The following STK39 variants were observed in gnomAD, a reference collection of about 807,000 sequenced individuals.
STK39 encodes the protein serine/threonine kinase 39.
Under a neutral mutation model 77.8 loss-of-function variants are expected in STK39, and 20 were observed. That is an observed-to-expected ratio of 0.26 (90% CI 0.18 to 0.37). The LOEUF is 0.37. STK39 is among the 10% of genes least tolerant of loss of function. The pLI is 1.00. For missense variants in STK39, 479 were observed against 656.5 expected, an observed-to-expected ratio of 0.73 and a Z score of 2.95; for synonymous variants, 246 against 234.1, an observed-to-expected ratio of 1.05 and a Z score of -0.47.
At chr2:168,161,736 C>T in intron 5 of STK39, 51 bp downstream of exon 5, 1 of 1,322,042 alleles carries the variant, frequency 7.6e-7, no homozygotes, top group Non-Finnish European at 1.1e-6. Context: ...TTCCTTGAAA[C>T]TGTAACACTT....
intron 1 of STK39, among the ~76,000 whole-genome samples, chr2:168,228,747 C>T (rs1690371635): frequency 6.6e-6 from 1 of 152,136 alleles, no homozygotes; most frequent in Non-Finnish European, 1.5e-5. Context: ...CGAGATTGCG[C>T]CATTGCACTC....
chr2:168,218,483 G>A (rs959685066), intron 1 of STK39, among the ~76,000 whole-genome samples: 4 of 152,166 alleles, frequency 2.6e-5, no homozygotes, highest in African/African-American at 7.2e-5. Context: ...CGGTATTTGC[G>A]TCAACTGCTC....
chr2:168,126,720 G>A (rs191815765), intron 10 of STK39, among the ~76,000 whole-genome samples: 74 of 152,274 alleles, frequency 4.9e-4, no homozygotes, highest in African/African-American at 1.6e-3. Context: ...AATGAGAAAT[G>A]AGCCATGATC....
intron 10 of STK39, among the ~76,000 whole-genome samples, chr2:168,099,256 T>C (rs1686757106): frequency 6.6e-6 from 1 of 152,240 alleles, no homozygotes. Context: ...GGTGATTCAT[T>C]ATGCAGCAAT....
At chr2:168,233,809 C>T (rs538855833) in intron 1 of STK39, among the ~76,000 whole-genome samples, 2 of 152,154 alleles carry the variant, frequency 1.3e-5, no homozygotes, top group Non-Finnish European at 2.9e-5. Flanking sequence ...CGATATCCAA[C>T]CAAAAGACTC....
intron 10 of STK39, among the ~76,000 whole-genome samples, chr2:168,096,971 C>T (rs931592786): frequency 5.3e-5 from 8 of 152,130 alleles, no homozygotes; most frequent in South Asian, 4.2e-4. Context: ...GAGAAGAAAA[C>T]GCTATTAATT....
At chr2:168,219,977 A>T (rs1393209210) in intron 1 of STK39, among the ~76,000 whole-genome samples, 1 of 151,704 alleles carries the variant, frequency 6.6e-6, no homozygotes, top group African/African-American at 2.4e-5. Flanking sequence ...ACATAATGGT[A>T]TGCTATGAGG....
chr2:168,155,913 T>A (rs139935840), intron 5 of STK39, among the ~76,000 whole-genome samples: 16 of 152,304 alleles, frequency 1.1e-4, no homozygotes, highest in South Asian at 2.1e-4. Context: ...AGACAGGGTG[T>A]CTCCCGTGCC....
At chr2:168,210,156 T>C (rs1192602983) in intron 1 of STK39, among the ~76,000 whole-genome samples, 1 of 152,122 alleles carries the variant, frequency 6.6e-6, no homozygotes, top group Non-Finnish European at 1.5e-5. Context: ...TCTGAAGACA[T>C]CCATTGATAA....
chr2:168,057,286 G>A (rs1187838708), intron 14 of STK39, among the ~76,000 whole-genome samples: 3 of 152,094 alleles, frequency 2.0e-5, no homozygotes, highest in East Asian at 1.9e-4. Context: ...TCCACCTCCC[G>A]TGTTCTAGCA....
chr2:168,247,337 T>TGCTGTCGCGGCCGCCGGGGCCGCCGCC lies in STK39; in HGVS notation c.72_98dup (p.Ala26_Ala34dup). 1 of 1,040,584 alleles carries TGCTGTCGCGGCCGCCGGGGCCGCCGCC rather than the reference T, an allele frequency of 9.6e-7. No individual in the cohort carries two copies. The highest frequency in any genetic ancestry group is 1.2e-6 in the Non-Finnish European group (1 of 862,646). 64.5% of individuals were successfully genotyped at this position (1,040,584 alleles called of 1,614,324 possible). A position where few individuals can be genotyped will look rare whatever the true frequency, so the allele number is the denominator to read the frequency against. ...CCGCGGGAGCTGCCGGGGCCGGCGCTGCTGTCGCGGCCGCCGGGGCCGCCG... is the reference window on the plus strand; with the variant it reads ...CCGCGGGAGCTGCCGGGGCCGGCGCTGCTGTCGCGGCCGCCGGGGCCGCCGCCGCTGTCGCGGCCGCCGGGGCCGCCG... On this transcript the variant is annotated inframe_insertion, in exon 1 of 18. Coordinates refer to ENST00000355999, the MANE Select transcript of STK39 (RefSeq NM_013233.3).
At chr2:168,079,706 G>T (rs1367340082) in intron 10 of STK39, among the ~76,000 whole-genome samples, 3 of 152,184 alleles carry the variant, frequency 2.0e-5, no homozygotes, top group Non-Finnish European at 2.9e-5. Context: ...TCCCCCAGGG[G>T]TCATATTCTC....
chr2:168,075,605 C>T (rs2105405555), intron 10 of STK39, among the ~76,000 whole-genome samples: 1 of 151,984 alleles, frequency 6.6e-6, no homozygotes, highest in South Asian at 2.1e-4. Flanking sequence ...TAAGGAAGCG[C>T]ATGCAAGCAA....
intron 10 of STK39, among the ~76,000 whole-genome samples, chr2:168,081,975 T>C (rs899496774): frequency 6.6e-6 from 1 of 152,182 alleles, no homozygotes; most frequent in African/African-American, 2.4e-5. Flanking sequence ...TCTATTTCTT[T>C]TGTAAATTGC....
At chr2:168,041,875 A>C (rs1370357133) in intron 14 of STK39, among the ~76,000 whole-genome samples, 2 of 152,172 alleles carry the variant, frequency 1.3e-5, no homozygotes, top group African/African-American at 4.8e-5. Context: ...TCTAAGAAAA[A>C]ATAACTCAAG....
intron 1 of STK39, among the ~76,000 whole-genome samples, chr2:168,213,616 G>A (rs1689949327): frequency 6.6e-6 from 1 of 151,590 alleles, no homozygotes; most frequent in African/African-American, 2.4e-5. Context: ...AGCCCAGGAG[G>A]TGGAGGTTGC....
intron 5 of STK39, among the ~76,000 whole-genome samples, chr2:168,151,980 A>G (rs6735157): frequency 0.42 from 63,552 of 152,056 alleles, 14,946 homozygotes; most frequent in East Asian, 0.67. Flanking sequence ...TAATCTGCCC[A>G]TCTATGTCAG....
intron 1 of STK39, among the ~76,000 whole-genome samples, chr2:168,237,620 T>C (rs563634999): frequency 6.6e-6 from 1 of 152,302 alleles, no homozygotes; most frequent in African/African-American, 2.4e-5. Context: ...ATACGTCCCA[T>C]CAATACCTAA....
intron 1 of STK39, 84 bp downstream of exon 1, chr2:168,247,144 C>T: frequency 3.1e-6 from 3 of 981,520 alleles, no homozygotes; most frequent in South Asian, 4.2e-5. Context: ...GGCGTGCATG[C>T]AGGCTAGCCC....
Sources: allele counts gnomAD v4.1 joint callset (sites outside exome capture counted in the v4.1 genomes callset), GRCh38; gene constraint gnomAD v4.1.1; transcripts MANE v1.5; gene names NCBI Gene and HGNC (gene_info 2026-07-23, HGNC 2026-07-21).